The following PKD1 variants were observed in gnomAD, a reference collection of about 807,000 sequenced individuals.
The protein encoded by PKD1 is polycystin-1.
In PKD1, 81 loss-of-function variants were observed where a neutral mutation model predicts 361.7. The ratio of observed to expected loss-of-function variants is 0.22; its 90% confidence interval spans 0.19 to 0.27. The LOEUF (loss-of-function observed/expected upper bound fraction) is 0.27. PKD1 is among the 10% of genes least tolerant of loss of function. PKD1 has a pLI of 1.00. For synonymous variants in PKD1, 3,615 were observed against 2,818.3 expected (o/e 1.28, Z -8.95); for missense variants, 6,399 against 6,118.3 (o/e 1.05, Z -1.53).
chr16:2,088,881 G>GCACACACACACACACACACA lies in PKD1; in HGVS notation c.*845_*846insTGTGTGTGTGTGTGTGTGTG. 2.4e-6 allele frequency: 1 copy of GCACACACACACACACACACA among 420,700 alleles called. No individual in the cohort carries two copies. The highest frequency in any genetic ancestry group is 2.3e-5 in the African/African-American group (1 of 44,244). 26.1% of individuals were successfully genotyped at this position (420,700 alleles called of 1,614,324 possible). On this transcript the variant is annotated 3_prime_UTR_variant, in exon 46 of 46. Transcript: ENST00000262304. Reference sequence around the variant, plus strand: ...ACAGCACACTCGCGCGTGCGCGCGCGCACACACACACACACACAGTCACCT... The same window carrying GCACACACACACACACACACA: ...ACAGCACACTCGCGCGTGCGCGCGCGCACACACACACACACACACACACACACACACACACACAGTCACCT...
rs771603537 is a variant in PKD1, at chr16:2,090,715, G to A, written c.12097C>T (p.Leu4033=). The change falls in exon 44 of 46, where the codon CTG becomes TTG. Residue 4033 remains leucine (L), a synonymous_variant. Transcript: ENST00000262304. ...LPELLGVTLG[L]VVLGVAYAQL... ...GCGTAGGCTACCCCGAGCACCACCA[G>A]GCCCAAGGTGACCCCCAGGAGCTCT... 1.1e-5 allele frequency: 18 copies of A among 1,612,374 alleles called. No homozygotes were observed. In the Admixed American group the frequency reaches 1.8e-4, roughly 16 times the overall value.
At chr16:2,105,807 G>C in intron 20 of PKD1, 58 bp downstream of exon 20, 1 of 1,538,186 alleles carries the variant, frequency 6.5e-7, no homozygotes, top group Admixed American at 1.7e-5. Flanking sequence ...AGGGGTACAG[G>C]TCTTGGTCCC....
chr16:2,117,962 C>A lies in PKD1; in HGVS notation c.1030G>T (p.Ala344Ser). The A allele has an allele frequency of 1.3e-6, 2 of 1,532,582 alleles. No individual in the cohort carries two copies. The highest frequency in any genetic ancestry group is 1.8e-6 in the Non-Finnish European group (2 of 1,132,672). The allele number at this position is 1,532,582 out of a possible 1,614,324, so 94.9% of individuals were successfully genotyped here. The change falls in exon 5 of 46, where the codon GCC becomes TCC. Residue 344 changes from alanine (A) to serine (S), a missense_variant. Ala to Ser is a moderately conservative substitution (Grantham distance 99). Transcript: ENST00000262304. ...TAVLALGAGS[A>S]LLGTDVQVEA... ...ACCTGCACGTCTGTCCCCAGCAGGGCTGAGCCGGCCCCCAGGGCCAGCACG... is the reference window on the plus strand; with the variant it reads ...ACCTGCACGTCTGTCCCCAGCAGGGATGAGCCGGCCCCCAGGGCCAGCACG...
Position 2,113,297 on chromosome 16 carries a change from G to C in PKD1, c.2854-5C>G, listed in dbSNP as rs114846412. ...CTCCACCACGGGGCTGTACCTCTGC[G>C]GGGGGAATGGTGTCAGCCTGGGCTC... is the stretch of plus-strand genomic sequence containing the variant. On this transcript the variant is annotated splice_region_variant and splice_polypyrimidine_tract_variant and intron_variant, in intron 11 of 45. Transcript: ENST00000262304. 1.8e-5 allele frequency: 29 copies of C among 1,594,616 alleles called. No homozygotes were observed. The highest frequency in any genetic ancestry group is 5.0e-5 in the Admixed American group (3 of 59,918).
chr16:2,111,564 C>T lies in PKD1; in HGVS notation c.3603G>A (p.Ala1201=), dbSNP rs369442153. 6.3e-6 allele frequency: 10 copies of T among 1,579,830 alleles called. No homozygotes were observed. Among genetic ancestry groups the T allele is most frequent in the Non-Finnish European group, 8.6e-6 (10 of 1,164,038 alleles). ...CAAAGACGCGCACATCCGCCTGGGC[C>T]GCCGCACCGCTCACCGTGTTGTTGA... The part of the protein sequence containing the change: ...LEVNNTVSGA[A]AQADVRVFEE... The change falls in exon 15 of 46, where the codon GCG becomes GCA. Residue 1201 remains alanine (A), a synonymous_variant. Transcript: ENST00000262304.
chr16:2,099,416 G>C (rs371964745), intron 30 of PKD1: 19 of 625,220 alleles, frequency 3.0e-5, no homozygotes, highest in Non-Finnish European at 5.6e-5. Context: ...CGTCCGTGGC[G>C]TCTGCTTAGC....
At chr16:2,116,716 A>G in intron 7 of PKD1, 72 bp from the exon 8 acceptor site, 1 of 1,206,866 alleles carries the variant, frequency 8.3e-7, no homozygotes, top group Non-Finnish European at 1.2e-6. Flanking sequence ...CTGGGGACCG[A>G]GCCGCCCGAA....
intron 16 of PKD1, chr16:2,107,447 T>C (rs1336273981): frequency 5.6e-6 from 2 of 359,190 alleles, no homozygotes; most frequent in Non-Finnish European, 1.1e-5. Flanking sequence ...AGACGCCCAC[T>C]CTGGGGCACC....
intron 34 of PKD1, among the ~76,000 whole-genome samples, chr16:2,096,096 G>A (rs2091834154): frequency 6.6e-6 from 1 of 152,248 alleles, no homozygotes; most frequent in Admixed American, 6.5e-5. Flanking sequence ...CAAACTAGAT[G>A]TGGATGCAAA....
chr16:2,114,402 C>A lies in PKD1; in HGVS notation c.2621G>T (p.Cys874Phe). 6.2e-7 allele frequency: 1 copy of A among 1,606,210 alleles called. No homozygotes were observed. Among genetic ancestry groups the A allele is most frequent in the East Asian group, 2.2e-5 (1 of 44,876 alleles). Residue 874 changes from cysteine to phenylalanine, a missense_variant, in exon 11 of 46, where the codon TGC (cysteine) becomes TTC (phenylalanine). Transcript: ENST00000262304. ...GSVSARFENV[C>F]PALVATFVPG... ...CACGAAGGTGGCCACCAGGGCAGGG[C>A]AGACATTCTCAAAGCGGGCGCTGAC...
chr16:2,092,191 G>GA lies in PKD1; in HGVS notation c.11270-4dup, dbSNP rs2091623190. ...GCCGGGAGGGTCTGGGTAGAGTGCTGAAACACACAGAGCCCCAGGCCGGGG... is the reference window on the plus strand; with the variant it reads ...GCCGGGAGGGTCTGGGTAGAGTGCTGAAAACACACAGAGCCCCAGGCCGGGG... On this transcript the variant is annotated splice_region_variant and splice_polypyrimidine_tract_variant and intron_variant, in intron 39 of 45. Coordinates refer to ENST00000262304, the MANE Select transcript of PKD1 (RefSeq NM_001009944.3). 6.3e-7 allele frequency: 1 copy of GA among 1,594,252 alleles called. No individual in the cohort carries two copies. Among genetic ancestry groups the GA allele is most frequent in the Non-Finnish European group, 8.5e-7 (1 of 1,171,844 alleles).
Position 2,119,378 on chromosome 16 carries a change from T to C in PKD1, c.216A>G (p.Leu72=), listed in dbSNP as rs754635626. The change falls in exon 2 of 46, where the codon CTA becomes CTG. Residue 72 remains leucine (L), a splice_region_variant and synonymous_variant. Transcript: ENST00000262304. ...CCCGGAGCAGGTTGTGGGAGACGTC[T>C]CTGAGGAGTGAGTGGCCGTGGGTCA... is the stretch of plus-strand genomic sequence containing the variant. The part of the protein sequence containing the change: ...ALRIPADATA[L]DVSHNLLRAL... The C allele has an allele frequency of 7.5e-6, 11 of 1,476,274 alleles. No homozygotes were observed. The highest frequency in any genetic ancestry group is 6.0e-5 in the South Asian group (5 of 82,810). 91.4% of individuals were successfully genotyped at this position (1,476,274 alleles called of 1,614,324 possible). A position where few individuals can be genotyped will look rare whatever the true frequency, so the allele number is the denominator to read the frequency against.
At chr16:2,114,028 G>T in intron 11 of PKD1, 142 bp downstream of exon 11, 1 of 735,228 alleles carries the variant, frequency 1.4e-6, no homozygotes, top group Non-Finnish European at 2.2e-6. Context: ...CGAGGAGCCA[G>T]CCAGCAGGAC....
At chr16:2,090,232 C>T (rs1050845175) in intron 45 of PKD1, 38 bp from the exon 46 acceptor site, 2 of 1,609,208 alleles carry the variant, frequency 1.2e-6, no homozygotes, top group East Asian at 2.2e-5. Flanking sequence ...TCCGGCTGCA[C>T]CCTGGGCAGA....
rs1369729651 is a variant in PKD1 at position 2,116,894 on chromosome 16, C to T, written c.1545G>A (p.Gly515=). ...AEHCVRLGPT[G]WCNTDLCSAP... ...CTGAGCACAGGTCGGTGTTACACCA[C>T]CCGGTGGGCCCGAGCCGGACGCAGT... The change falls in exon 7 of 46, where the codon GGG becomes GGA. Residue 515 remains glycine, a synonymous_variant. Transcript: ENST00000262304. 4.6e-6 allele frequency: 7 copies of T among 1,527,164 alleles called. No homozygotes were observed. Among genetic ancestry groups the T allele is most frequent in the East Asian group, 4.8e-5 (2 of 41,278 alleles). The allele number at this position is 1,527,164 out of a possible 1,614,324, so 94.6% of individuals were successfully genotyped here.
At position 2,106,238 on chromosome 16, in the gene PKD1, T is replaced by G. The variant is rs757185857; in HGVS notation, c.7556A>C (p.Gln2519Pro). 3.1e-6 allele frequency: 5 copies of G among 1,609,998 alleles called. No individual in the cohort carries two copies. The highest frequency in any genetic ancestry group is 1.1e-5 in the South Asian group (1 of 90,984). Reference protein sequence around the residue: ...VYALLLRRCRQGHCEEFCVYK... With the variant: ...VYALLLRRCRPGHCEEFCVYK... ...GACACAGAACTCCTCGCAGTGGCCCTGGCGACAGCGCCGCAGCAGCAGGGC... is the reference window on the plus strand; with the variant it reads ...GACACAGAACTCCTCGCAGTGGCCCGGGCGACAGCGCCGCAGCAGCAGGGC... The change falls in exon 19 of 46, where the codon CAG becomes CCG. Residue 2519 changes from glutamine (Q) to proline (P), a missense_variant. By Grantham distance (76) the Gln-to-Pro change is moderately conservative (BLOSUM62 -1). Transcript: ENST00000262304. The surrounding 1 kb of genome is among the most constrained non-coding windows in gnomAD (Gnocchi z 6.5).
At chr16:2,093,393 AGGAG>A in intron 37 of PKD1, 147 bp downstream of exon 37, 1 of 780,088 alleles carries the variant, frequency 1.3e-6, no homozygotes, top group East Asian at 2.7e-5. Flanking sequence ...GGCGTGGGGT[AGGAG>A]GGAGACCGGG....
At position 2,090,744 on chromosome 16, in the gene PKD1, A is replaced by C. The variant is rs2151684704; in HGVS notation, c.12068T>G (p.Leu4023Arg). The C allele has an allele frequency of 4.3e-6, 7 of 1,612,624 alleles. No homozygotes were observed. The highest frequency in any genetic ancestry group is 5.9e-6 in the Non-Finnish European group (7 of 1,179,950). ...SVFGKTLCRA[L>R]PELLGVTLGL... ...CAAGGTGACCCCCAGGAGCTCTGGCAGAGCTCGGCATAATGTCTTGCCAAA... is the reference window on the plus strand; with the variant it reads ...CAAGGTGACCCCCAGGAGCTCTGGCCGAGCTCGGCATAATGTCTTGCCAAA... The change falls in exon 44 of 46, where the codon CTG becomes CGG. Residue 4023 changes from leucine (L) to arginine (R), a missense_variant. Transcript: ENST00000262304.
At chr16:2,097,003 G>A (rs963939353) in intron 34 of PKD1, 145 bp downstream of exon 34, 9 of 661,262 alleles carry the variant, frequency 1.4e-5, no homozygotes, top group South Asian at 8.7e-5. Context: ...ACAGACAACA[G>A]AGGTTCAGAG....
Sources: allele counts gnomAD v4.1 joint callset (sites outside exome capture counted in the v4.1 genomes callset), GRCh38; gene constraint gnomAD v4.1.1; non-coding constraint Gnocchi (gnomAD v3.1); transcripts MANE v1.5; gene names NCBI Gene and HGNC (gene_info 2026-07-23, HGNC 2026-07-21).